TTN: variants seen among roughly 807,000 people sequenced by gnomAD.
TTN encodes titin.
Under a neutral mutation model 3,223.0 loss-of-function variants are expected in TTN, and 1,525 were observed. The ratio of observed to expected loss-of-function variants is 0.47; its 90% CI spans 0.45 to 0.49. The LOEUF is 0.49. TTN is among the 20% of genes least tolerant of loss of function. The probability of loss-of-function intolerance (pLI) is 0.00; values close to 1 mark genes in which losing one functional copy is unlikely to be tolerated. For synonymous variants in TTN, 14,094 were observed against 15,161.0 expected, an observed-to-expected ratio of 0.93 and a Z score of 5.17; for missense variants, 40,786 against 43,424.0, an observed-to-expected ratio of 0.94 and a Z score of 5.40.
intron 278 of TTN, 141 bp downstream of exon 278, chr2:178,606,880 T>A: frequency 1.1e-6 from 1 of 887,472 alleles, no homozygotes; most frequent in Non-Finnish European, 1.7e-6. Context: ...ATGTTGCTAA[T>A]AGTTTTTTGA....
At chr2:178,653,212 T>C (rs1202919192) in intron 198 of TTN, 26 bp downstream of exon 198, 1 of 1,611,626 alleles carries the variant, frequency 6.2e-7, no homozygotes, top group African/African-American at 1.3e-5. Context: ...TTAGATCATC[T>C]GAAGCCTAAG....
chr2:178,690,869 G>A (rs2072231129), intron 121 of TTN, among the ~76,000 whole-genome samples: 1 of 151,916 alleles, frequency 6.6e-6, no homozygotes, highest in Non-Finnish European at 1.5e-5. Context: ...GTCTCCTTTA[G>A]AAGACATATA....
intron 282 of TTN, among the ~76,000 whole-genome samples, chr2:178,603,243 TAG>T (rs2053921659): frequency 6.6e-6 from 1 of 152,028 alleles, no homozygotes; most frequent in African/African-American, 2.4e-5. Flanking sequence ...ATGCTCCACA[TAG>T]CACTTGAGTA....
chr2:178,695,595 G>A (rs896392022), intron 114 of TTN, among the ~76,000 whole-genome samples, 185 bp from the exon 115 acceptor site: 1 of 151,870 alleles, frequency 6.6e-6, no homozygotes, highest in African/African-American at 2.4e-5. Flanking sequence ...GATGCAACAA[G>A]GCAGTAAAAG....
intron 152 of TTN, 33 bp from the exon 153 acceptor site, chr2:178,672,736 G>T (rs1355882870): frequency 6.5e-7 from 1 of 1,535,118 alleles, no homozygotes; most frequent in South Asian, 1.2e-5. Context: ...AGTTAGCTGA[G>T]AATGTTCAAT....
Position 178,549,553 on chromosome 2 carries a change from T to C in TTN, c.92152+17A>G, listed in dbSNP as rs1559179969. 3 of 1,605,416 alleles carry C rather than the reference T, an allele frequency of 1.9e-6. No homozygotes were observed. Among genetic ancestry groups the C allele is most frequent in the Non-Finnish European group, 2.6e-6 (3 of 1,173,808 alleles). ...AAACTTTTGACATAGTACCGCTTAG[T>C]AAAAACGCAAACTTACTATATTGTA... is the stretch of plus-strand genomic sequence containing the variant. On this transcript the variant is annotated intron_variant, in intron 338 of 362. Transcript: ENST00000589042.
Position 178,530,447 on chromosome 2 carries a change from A to G in TTN, c.106168T>C (p.Ser35390Pro). 6.2e-7 allele frequency: 1 copy of G among 1,613,968 alleles called. No homozygotes were observed. Among genetic ancestry groups the G allele is most frequent in the Non-Finnish European group, 8.5e-7 (1 of 1,179,872 alleles). ...TTCTGATCTGATTTCTTAGTTTCTG[A>G]TATTTTTGATACCTTCTCATGGATA... is the stretch of plus-strand genomic sequence containing the variant. ...KSIHEKVSKI[S>P]ETKKSDQKTT... is the part of the protein sequence containing the mutation. The change falls in exon 358 of 363, where the codon TCA (serine) becomes CCA (proline). Residue 35390 changes from serine to proline, a missense_variant. Transcript: ENST00000589042.
chr2:178,713,277 G>A lies in TTN; in HGVS notation c.26857C>T (p.Pro8953Ser), dbSNP rs756003188. The change falls in exon 93 of 363, where the codon CCT (proline) becomes TCT (serine). Residue 8953 changes from proline (P) to serine (S), a missense_variant. By Grantham distance (74) the Pro-to-Ser change is moderately conservative (BLOSUM62 -1). Transcript: ENST00000589042. Reference protein sequence around the residue: ...VVMECKVYGSPPISVSWFHEG... With the variant: ...VVMECKVYGSSPISVSWFHEG... ...TGGAACCAGGAGACAGAGATTGGAG[G>A]TGACCCATAGACTTTACACTCCATT... 2.3e-5 allele frequency: 37 copies of A among 1,609,026 alleles called. No individual in the cohort carries two copies. In the Admixed American group the frequency reaches 2.4e-4, roughly 10 times the overall value.
At chr2:178,777,095 TC>T in intron 27 of TTN, 46 bp from the exon 28 acceptor site, 3 of 1,613,954 alleles carry the variant, frequency 1.9e-6, no homozygotes, top group Non-Finnish European at 2.5e-6. Flanking sequence ...TGGTATAGCT[TC>T]CCTGGTTATT....
intron 168 of TTN, 37 bp downstream of exon 168, chr2:178,664,423 C>G: frequency 6.7e-7 from 1 of 1,500,368 alleles, no homozygotes; most frequent in Non-Finnish European, 9.2e-7. Flanking sequence ...ATCGCCCCAC[C>G]CACTATCCCA....
chr2:178,667,042 T>C, intron 162 of TTN, 141 bp from the exon 163 acceptor site: 1 of 925,888 alleles, frequency 1.1e-6, no homozygotes, highest in Non-Finnish European at 1.6e-6. Context: ...ATTTTATCTT[T>C]GTATATTATA....
chr2:178,754,458 T>C (rs190915696), intron 46 of TTN, among the ~76,000 whole-genome samples: 1 of 152,278 alleles, frequency 6.6e-6, no homozygotes, highest in East Asian at 1.9e-4. Flanking sequence ...CTGAATGAAC[T>C]GGAGATCCTA....
chr2:178,621,365 A>G lies in TTN; in HGVS notation c.45353T>C (p.Leu15118Pro), dbSNP rs749314795. 4.4e-6 allele frequency: 7 copies of G among 1,608,098 alleles called. No homozygotes were observed. The South Asian group carries it at 7.8e-5, about 18-fold the overall frequency. The change falls in exon 246 of 363, where the codon CTG becomes CCG. Residue 15118 changes from leucine to proline, a missense_variant. Transcript: ENST00000589042. ...RTDGKVKVHELAAEFISKPQN... is the reference protein window; with the variant it reads ...RTDGKVKVHEPAAEFISKPQN... Reference sequence around the variant, plus strand: ...AGGCTTTGAGATAAATTCAGCAGCCAGTTCTGGGAAGAAAAAGTTACAAGA... The same window carrying G: ...AGGCTTTGAGATAAATTCAGCAGCCGGTTCTGGGAAGAAAAAGTTACAAGA...
rs763459098 is a variant in TTN, at chr2:178,667,613, A to T, written c.35629+25T>A. 22 of 1,582,792 alleles carry T rather than the reference A, an allele frequency of 1.4e-5. No homozygotes were observed. The South Asian group carries it at 1.7e-4, about 12-fold the overall frequency. On this transcript the variant is annotated intron_variant, in intron 160 of 362. Transcript: ENST00000589042. Reference sequence around the variant, plus strand: ...AGGGGCCAAAAAATAATTTTTCTTCAGAGTGGATCATTGGTGTTATATACC... The same window carrying T: ...AGGGGCCAAAAAATAATTTTTCTTCTGAGTGGATCATTGGTGTTATATACC...
chr2:178,737,878 T>C, intron 49 of TTN: 1 of 518,330 alleles, frequency 1.9e-6, no homozygotes. Flanking sequence ...AAATTATTTT[T>C]TCTTTGGTCA....
At chr2:178,598,475 A>T (rs2052367821) in intron 292 of TTN, 31 bp downstream of exon 292, 1 of 1,594,320 alleles carries the variant, frequency 6.3e-7, no homozygotes, top group Admixed American at 1.8e-5. Flanking sequence ...GTTTATTCAT[A>T]GTGCATTTCC....
Position 178,552,183 on chromosome 2 carries a change from A to C in TTN, c.90717T>G (p.Ala30239=). 7 of 1,613,780 alleles carry C rather than the reference A, an allele frequency of 4.3e-6. No individual in the cohort carries two copies. Among genetic ancestry groups the C allele is most frequent in the Non-Finnish European group, 5.9e-6 (7 of 1,179,784 alleles). ...KGPIRFDEIK[A]DSVILSWDVP... ...CATCCCATGACAGGATGACACTATC[A>C]GCCTTGATTTCATCAAATCGAATGG... is the stretch of plus-strand genomic sequence containing the variant. Residue 30239 remains alanine, a synonymous_variant, in exon 335 of 363, where the codon GCT becomes GCG. Transcript: ENST00000589042.
At chr2:178,794,006 T>C (rs559727495) in intron 8 of TTN, among the ~76,000 whole-genome samples, 172 of 152,320 alleles carry the variant, frequency 1.1e-3, no homozygotes, top group African/African-American at 3.8e-3. Context: ...CAAAAGTCCT[T>C]TGGGGAAACT....
Position 178,530,609 on chromosome 2 carries a change from A to C in TTN, c.106006T>G (p.Tyr35336Asp), listed in dbSNP as rs935907208. 1 of 1,614,040 alleles carries C rather than the reference A, an allele frequency of 6.2e-7. No individual in the cohort carries two copies. The highest frequency in any genetic ancestry group is 8.5e-7 in the Non-Finnish European group (1 of 1,179,902). Residue 35336 changes from tyrosine to aspartate, a missense_variant, in exon 358 of 363, where the codon TAT becomes GAT. Transcript: ENST00000589042. ...LKENGHFQFH[Y>D]SADGTYELKI... ...AGCTCATAGGTACCATCTGCTGAATAATGAAACTGGAAATGCCCATTTTCC... is the reference window on the plus strand; with the variant it reads ...AGCTCATAGGTACCATCTGCTGAATCATGAAACTGGAAATGCCCATTTTCC...
Sources: gnomAD v4.1 joint callset for allele counts (sites outside exome capture counted in the v4.1 genomes callset) on GRCh38, gnomAD v4.1.1 for gene constraint, MANE v1.5 for transcripts, NCBI Gene and HGNC (gene_info 2026-07-23, HGNC 2026-07-21) for gene names.